Variants in MORN1 observed in about 807,000 individuals in gnomAD.
MORN1 encodes MORN repeat containing 1, also known as MORN repeat-containing protein 1.
MORN1 carries 67 observed loss-of-function variants against 61.9 expected under a neutral mutation model. That is an observed-to-expected ratio of 1.08 (90% CI 0.89 to 1.33). The LOEUF (loss-of-function observed/expected upper bound fraction) is 1.33. Ranked by LOEUF, MORN1 falls within the 40% of genes most tolerant of loss-of-function variation. The probability of loss-of-function intolerance (pLI) is 0.00; values close to 1 mark genes in which losing one functional copy is unlikely to be tolerated. For synonymous variants in MORN1, 301 were observed against 292.0 expected, an observed-to-expected ratio of 1.03 and a Z score of -0.31; for missense variants, 752 against 691.2, an observed-to-expected ratio of 1.09 and a Z score of -0.99.
At chr1:2,352,018 G>C in intron 10 of MORN1, 1 of 539,226 alleles carries the variant, frequency 1.9e-6, no homozygotes, top group Non-Finnish European at 3.5e-6. Context: ...CCAGGAATTA[G>C]AGGTCCACCT....
intron 12 of MORN1, among the ~76,000 whole-genome samples, chr1:2,325,215 C>G (rs370258530): frequency 8.9e-5 from 7 of 78,230 alleles, no homozygotes; most frequent in East Asian, 8.2e-4. Context: ...TTTCTTTCTT[C>G]TTTTCTTTCT....
intron 6 of MORN1, chr1:2,376,047 A>G (rs1260953436): frequency 6.6e-6 from 1 of 152,238 alleles, no homozygotes; most frequent in African/African-American, 2.4e-5. Context: ...TTCAGCTACC[A>G]AGGACTGGCG....
intron 6 of MORN1, among the ~76,000 whole-genome samples, chr1:2,384,325 G>C (rs1009429626): frequency 6.6e-6 from 1 of 152,168 alleles, no homozygotes; most frequent in Non-Finnish European, 1.5e-5. Context: ...CCTGAAATTT[G>C]CTCTCTGCAC....
At chr1:2,378,655 C>T (rs757906832) in intron 6 of MORN1, 6 of 301,036 alleles carry the variant, frequency 2.0e-5, no homozygotes, top group Admixed American at 4.6e-5. Context: ...CGGAGGGCCG[C>T]GCTGCTGCCA....
At chr1:2,363,423 A>C (rs1351486875) in intron 8 of MORN1, 1 of 152,172 alleles carries the variant, frequency 6.6e-6, no homozygotes. Context: ...AAAACCCTAA[A>C]GTAATCCCTC....
At chr1:2,385,293 G>C in intron 5 of MORN1, 1 of 577,332 alleles carries the variant, frequency 1.7e-6, no homozygotes, top group Non-Finnish European at 3.1e-6. Flanking sequence ...GGCCTGCTCG[G>C]GACGCACTCA....
At chr1:2,323,363 C>A (rs756218681) in intron 13 of MORN1, 39 of 985,330 alleles carry the variant, frequency 4.0e-5, no homozygotes, top group African/African-American at 7.0e-5. Flanking sequence ...GACCTTCCAG[C>A]CTTTGGCTCT....
chr1:2,357,683 CCT>C lies in MORN1; in HGVS notation c.870-87_870-86del. The C allele has an allele frequency of 6.8e-7, 1 of 1,466,186 alleles. No individual in the cohort carries two copies. The highest frequency in any genetic ancestry group is 9.1e-7 in the Non-Finnish European group (1 of 1,099,876). The allele number at this position is 1,466,186 out of a possible 1,614,324, so 90.8% of individuals were successfully genotyped here. A position where few individuals can be genotyped will look rare whatever the true frequency, so the allele number is the denominator to read the frequency against. On this transcript the variant is annotated intron_variant, in intron 9 of 13. Coordinates refer to ENST00000378531, the MANE Select transcript of MORN1 (RefSeq NM_024848.3). This position sits in a 1 kb window ranked among gnomAD's most constrained non-coding sequence, Gnocchi z 6.3. Reference sequence around the variant, plus strand: ...AGACAGCGTGGCCCACGCCCTGGACCCTGGGACTTGCCTACACTGAGTCCAGG... The same window carrying C: ...AGACAGCGTGGCCCACGCCCTGGACCGGGACTTGCCTACACTGAGTCCAGG...
At chr1:2,325,267 G>A (rs1640999874) in intron 12 of MORN1, among the ~76,000 whole-genome samples, 2 of 95,292 alleles carry the variant, frequency 2.1e-5, no homozygotes, top group Non-Finnish European at 3.8e-5. Context: ...CTCTCTCTCT[G>A]CCTCTCTTTC....
chr1:2,332,427 T>A (rs1641177173), intron 12 of MORN1: 2 of 358,478 alleles, frequency 5.6e-6, no homozygotes, highest in African/African-American at 4.3e-5. Flanking sequence ...CACACTCAGG[T>A]TCTTCCAGTG....
Position 2,358,575 on chromosome 1 carries a change from G to C in MORN1, c.869+17C>G. On this transcript the variant is annotated intron_variant, in intron 9 of 13. Transcript: ENST00000378531. ...AAACAAACTCAGAACTAACTCATTG[G>C]TGTCACACGTACTCACAATGGGGTC... The C allele has an allele frequency of 6.2e-7, 1 of 1,613,994 alleles. No homozygotes were observed. The highest frequency in any genetic ancestry group is 8.5e-7 in the Non-Finnish European group (1 of 1,179,916).
chr1:2,330,132 C>A (rs1290455953), intron 12 of MORN1, among the ~76,000 whole-genome samples: 2 of 152,234 alleles, frequency 1.3e-5, no homozygotes, highest in Non-Finnish European at 2.9e-5. Flanking sequence ...GCACAGGCCT[C>A]CCCACCTGGG....
intron 12 of MORN1, among the ~76,000 whole-genome samples, chr1:2,329,432 C>T (rs1245180186): frequency 6.6e-6 from 1 of 152,224 alleles, no homozygotes; most frequent in African/African-American, 2.4e-5. Context: ...CCCGGTGCCC[C>T]CAGCTTCCCA....
intron 12 of MORN1, among the ~76,000 whole-genome samples, chr1:2,328,294 AC>A (rs1223811806): frequency 6.6e-6 from 1 of 152,160 alleles, no homozygotes; most frequent in Admixed American, 6.5e-5. Flanking sequence ...GGCCCAGGGG[AC>A]CCCCTTCCTG....
At chr1:2,387,931 G>C (rs551694884) in intron 3 of MORN1, 1 of 426,084 alleles carries the variant, frequency 2.3e-6, no homozygotes, top group Non-Finnish European at 4.2e-6. Flanking sequence ...TCCCGGCAAC[G>C]AATCCCCAGA....
chr1:2,324,266 C>T (rs1264222441), intron 12 of MORN1, 123 bp from the exon 13 acceptor site: 6 of 972,982 alleles, frequency 6.2e-6, no homozygotes, highest in African/African-American at 4.9e-5. Context: ...CAGCAGAGGC[C>T]TGCGAACCCC....
At chr1:2,378,781 C>T in intron 6 of MORN1, 6 of 375,866 alleles carry the variant, frequency 1.6e-5, no homozygotes, top group South Asian at 1.2e-4. Flanking sequence ...GCCCTCGGGT[C>T]CTGGGAGGTC....
chr1:2,379,256 C>G, intron 6 of MORN1: 2 of 428,212 alleles, frequency 4.7e-6, no homozygotes, highest in Middle Eastern at 7.0e-4. Flanking sequence ...AGGGCATGAT[C>G]CGAGGTGGGC....
chr1:2,341,172 C>A (rs935754760), intron 10 of MORN1, among the ~76,000 whole-genome samples: 1 of 152,232 alleles, frequency 6.6e-6, no homozygotes, highest in Non-Finnish European at 1.5e-5. Context: ...TGCTGCCCAG[C>A]TTCCCCTTTG....
Sources: allele counts gnomAD v4.1 joint callset (sites outside exome capture counted in the v4.1 genomes callset), GRCh38; gene constraint gnomAD v4.1.1; non-coding constraint Gnocchi (gnomAD v3.1); transcripts MANE v1.5; gene names NCBI Gene and HGNC (gene_info 2026-07-23, HGNC 2026-07-21).